Variants in PRKX observed in about 807,000 individuals in gnomAD.
The protein encoded by PRKX is cAMP-dependent protein kinase catalytic subunit PRKX.
PRKX carries 12 observed loss-of-function variants against 22.0 expected under a neutral mutation model. That is an observed-to-expected ratio of 0.54 (90% CI 0.35 to 0.88). The LOEUF (loss-of-function observed/expected upper bound fraction) is 0.88, where lower values mean the gene tolerates loss of function less well. Among genes scored for constraint, PRKX ranks in the 40% least tolerant of loss-of-function variants. The pLI is 0.01. For missense variants in PRKX, 217 were observed against 308.0 expected (o/e 0.70, Z 2.21); for synonymous variants, 134 against 137.7 (o/e 0.97, Z 0.19).
At chrX:3,670,534 A>G (rs970022725) in intron 2 of PRKX, among the ~76,000 whole-genome samples, 5 of 111,581 alleles carry the variant, frequency 4.5e-5, no homozygotes, top group Admixed American at 1.9e-4. Flanking sequence ...CACCCCCTCC[A>G]AGTCTACATT....
At chrX:3,611,765 C>A (rs1321049788) in intron 8 of PRKX, among the ~76,000 whole-genome samples, 2 of 111,829 alleles carry the variant, frequency 1.8e-5, no homozygotes, top group East Asian at 2.8e-4. Flanking sequence ...ATTTCTTCTT[C>A]TTATTTTTTA....
chrX:3,649,817 G>C (rs373456512), intron 3 of PRKX, among the ~76,000 whole-genome samples: 3 of 82,219 alleles, frequency 3.6e-5, no homozygotes, highest in East Asian at 8.6e-4. Flanking sequence ...AAGGAGGGAG[G>C]GAGGGAGGGA....
intron 7 of PRKX, among the ~76,000 whole-genome samples, chrX:3,614,295 G>A (rs1286786176): frequency 8.9e-6 from 1 of 111,735 alleles, no homozygotes; most frequent in Non-Finnish European, 1.9e-5. Context: ...GAGGTTAGGA[G>A]ATTGAGACCA....
At chrX:3,619,016 A>G (rs12394164) in intron 6 of PRKX, among the ~76,000 whole-genome samples, 8,410 of 112,345 alleles carry the variant, frequency 0.075, 267 homozygotes, top group African/African-American at 0.12. Flanking sequence ...AAAGGACAGA[A>G]GCTTGACTAC....
chrX:3,633,720 C>T lies in PRKX; in HGVS notation c.720-7206G>A, dbSNP rs747957712. Reference sequence around the variant, plus strand: ...ACCCTGGGCGCTGTGAGCTGATGTTCTCCCTCCTACTCAGCTGGAAAAACA... The same window carrying T: ...ACCCTGGGCGCTGTGAGCTGATGTTTTCCCTCCTACTCAGCTGGAAAAACA... On this transcript the variant is annotated intron_variant, in intron 4 of 8. Transcript: ENST00000262848. Among the ~76,000 whole-genome samples, 3 of 111,330 alleles carry T rather than the reference C, an allele frequency of 2.7e-5. No individual in the cohort carries two copies. In the South Asian group the frequency reaches 1.1e-3, roughly 42 times the overall value.
At chrX:3,629,160 C>G (rs1926717427) in intron 4 of PRKX, among the ~76,000 whole-genome samples, 1 of 112,302 alleles carries the variant, frequency 8.9e-6, no homozygotes, top group Non-Finnish European at 1.9e-5. Flanking sequence ...CGAGCAATAC[C>G]TGATTATGTC....
At chrX:3,676,558 A>G (rs1370442552) in intron 1 of PRKX, among the ~76,000 whole-genome samples, 1 of 112,494 alleles carries the variant, frequency 8.9e-6, no homozygotes, top group Non-Finnish European at 1.9e-5. Flanking sequence ...ATTCAGCCCT[A>G]AAAAAGAAGG....
At position 3,656,392 on chromosome X, in the gene PRKX, G is replaced by A. The variant is rs1200174104; in HGVS notation, c.336-980C>T. ...TAAAGACAGATGTTAGAATATGAAC[G>A]TAGATAGATATTAACAGAGGTATAG... is the stretch of plus-strand genomic sequence containing the variant. On this transcript the variant is annotated intron_variant, in intron 2 of 8. Transcript: ENST00000262848. 7.0e-4 allele frequency among the ~76,000 whole-genome samples: 78 copies of A among 111,672 alleles called. 1 individual carries two copies. In the Admixed American group the frequency reaches 7.1e-3, roughly 10 times the overall value.
chrX:3,634,772 C>T (rs1310844878), intron 4 of PRKX, among the ~76,000 whole-genome samples: 1 of 111,995 alleles, frequency 8.9e-6, no homozygotes, highest in Non-Finnish European at 1.9e-5. Flanking sequence ...CTCACCGCAG[C>T]GTTGACCTCC....
intron 1 of PRKX, among the ~76,000 whole-genome samples, chrX:3,702,290 C>A (rs1198607202): frequency 8.9e-6 from 1 of 112,896 alleles, no homozygotes; most frequent in Non-Finnish European, 1.9e-5. Flanking sequence ...TTCTTCTGTG[C>A]CAAGGTTTCT....
At chrX:3,678,037 G>A (rs1928000258) in intron 1 of PRKX, among the ~76,000 whole-genome samples, 1 of 111,955 alleles carries the variant, frequency 8.9e-6, no homozygotes, top group African/African-American at 3.2e-5. Flanking sequence ...TGGGAGAAGG[G>A]CTTTGAGGAC....
intron 2 of PRKX, chrX:3,667,514 T>G: frequency 9.1e-6 from 1 of 109,547 alleles, no homozygotes; most frequent in Admixed American, 9.8e-5. Flanking sequence ...GGTGGCTCCA[T>G]CCACCTGTGG....
At chrX:3,620,959 A>G (rs1444850311) in intron 6 of PRKX, among the ~76,000 whole-genome samples, 1 of 111,564 alleles carries the variant, frequency 9.0e-6, no homozygotes, top group African/African-American at 3.3e-5. Context: ...AAATAAGTAA[A>G]CAAAATAATG....
intron 1 of PRKX, among the ~76,000 whole-genome samples, chrX:3,680,969 G>A (rs985156609): frequency 2.7e-5 from 3 of 111,870 alleles, no homozygotes; most frequent in Non-Finnish European, 5.6e-5. Flanking sequence ...AGCTACTGGG[G>A]AGGCTGAAGT....
chrX:3,701,374 A>G (rs6641610), intron 1 of PRKX, among the ~76,000 whole-genome samples: 5,685 of 112,283 alleles, frequency 0.051, 375 homozygotes, highest in African/African-American at 0.17. Flanking sequence ...CCAAAGCACT[A>G]GGATTATAGG....
intron 1 of PRKX, among the ~76,000 whole-genome samples, chrX:3,692,020 T>C (rs906243880): frequency 9.7e-6 from 1 of 102,754 alleles, no homozygotes; most frequent in Non-Finnish European, 2.0e-5. Flanking sequence ...AGGTGATACA[T>C]AGATAATTAG....
At chrX:3,697,221 C>G (rs754596900) in intron 1 of PRKX, among the ~76,000 whole-genome samples, 58 of 111,198 alleles carry the variant, frequency 5.2e-4, no homozygotes, top group Non-Finnish European at 8.7e-4. Context: ...AAAAAATTAA[C>G]CAAGTATGGT....
At chrX:3,671,690 T>C (rs1927849475) in intron 2 of PRKX, among the ~76,000 whole-genome samples, 1 of 111,371 alleles carries the variant, frequency 9.0e-6, no homozygotes, top group Non-Finnish European at 1.9e-5. Flanking sequence ...ATTTCACTCC[T>C]TAAAAGTTAG....
chrX:3,610,798 G>A (rs972081740), intron 8 of PRKX, among the ~76,000 whole-genome samples: 8 of 110,944 alleles, frequency 7.2e-5, no homozygotes, highest in African/African-American at 2.6e-4. Flanking sequence ...ATCAACTAGG[G>A]GTCCTTCATA....
Sources: allele counts gnomAD v4.1 joint callset (sites outside exome capture counted in the v4.1 genomes callset), GRCh38; gene constraint gnomAD v4.1.1; transcripts MANE v1.5; gene names NCBI Gene and HGNC (gene_info 2026-07-23, HGNC 2026-07-21).